The following BMAL1 variants were observed in gnomAD, a reference collection of about 807,000 sequenced individuals.
BMAL1 encodes basic helix-loop-helix ARNT-like protein 1.
chr11:13,308,598 C>T, the BMAL1 span, among the ~76,000 whole-genome samples: 10 of 152,100 alleles, frequency 6.6e-5, no homozygotes, highest in Non-Finnish European at 1.2e-4. Flanking sequence ...GTCAAAGCTG[C>T]AAGGTAAGGA....
chr11:13,376,856 T>TCCGCACATCATCCCCTC, the BMAL1 span: 1 of 804,442 alleles, frequency 1.2e-6, no homozygotes, highest in Non-Finnish European at 1.9e-6. Context: ...CTCGAGGGGA[T>TCCGCACATCATCCCCTC]GATGTGCGGA....
chr11:13,295,414 C>T, the BMAL1 span, among the ~76,000 whole-genome samples: 2 of 152,108 alleles, frequency 1.3e-5, no homozygotes, highest in Non-Finnish European at 2.9e-5. Flanking sequence ...GAGGAGGTTA[C>T]AGGTGCCTGT....
chr11:13,357,961 CAGTG>C, the BMAL1 span, among the ~76,000 whole-genome samples: 2 of 152,230 alleles, frequency 1.3e-5, no homozygotes, highest in Non-Finnish European at 2.9e-5. The surrounding 1 kb of genome is among the most constrained non-coding windows in gnomAD (Gnocchi z 4.8). Flanking sequence ...GTGCCCTAGT[CAGTG>C]AGGCTGTGAC....
At chr11:13,303,517 A>G in the BMAL1 span, among the ~76,000 whole-genome samples, 1 of 152,238 alleles carries the variant, frequency 6.6e-6, no homozygotes, top group Non-Finnish European at 1.5e-5. Flanking sequence ...TTAACAAACA[A>G]ACCCCCAAAT....
chr11:13,380,417 ACT>A, the BMAL1 span: 1 of 151,912 alleles, frequency 6.6e-6, no homozygotes, highest in Non-Finnish European at 1.5e-5. Context: ...CTGCCATCAC[ACT>A]CTCCCTAAAC....
the BMAL1 span, among the ~76,000 whole-genome samples, chr11:13,285,369 G>T: frequency 2.6e-5 from 4 of 152,206 alleles, no homozygotes; most frequent in African/African-American, 9.7e-5. Context: ...ACAAAACAAG[G>T]GGCCCGCAGG....
the BMAL1 span, chr11:13,354,688 C>A: frequency 4.1e-6 from 2 of 484,294 alleles, no homozygotes; most frequent in African/African-American, 2.0e-5. Flanking sequence ...TGTTCTACAC[C>A]CAGAGAAAAA....
chr11:13,296,156 C>G, the BMAL1 span, among the ~76,000 whole-genome samples: 1 of 152,180 alleles, frequency 6.6e-6, no homozygotes, highest in Non-Finnish European at 1.5e-5. Context: ...GGCCGTTTGT[C>G]CTGCTCTTTT....
At chr11:13,357,370 A>G in the BMAL1 span, among the ~76,000 whole-genome samples, 1 of 152,270 alleles carries the variant, frequency 6.6e-6, no homozygotes, top group Non-Finnish European at 1.5e-5. This position sits in a 1 kb window ranked among gnomAD's most constrained non-coding sequence, Gnocchi z 4.8. Context: ...GTTTTTCCCC[A>G]GTCTTCAGCA....
At chr11:13,356,623 G>C in the BMAL1 span, 1 of 1,233,928 alleles carries the variant, frequency 8.1e-7, no homozygotes, top group Non-Finnish European at 1.1e-6. Context: ...TACTGTGGCT[G>C]TTCGAACTTT....
At chr11:13,341,681 A>G in the BMAL1 span, among the ~76,000 whole-genome samples, 2 of 152,228 alleles carry the variant, frequency 1.3e-5, no homozygotes, top group Admixed American at 6.5e-5. Flanking sequence ...TCAGGCAGTA[A>G]GTTTTTTGGT....
the BMAL1 span, among the ~76,000 whole-genome samples, chr11:13,279,579 C>T: frequency 1.3e-5 from 2 of 152,160 alleles, no homozygotes; most frequent in African/African-American, 4.8e-5. Context: ...GCTTGCAAGA[C>T]TTAAAAAAAT....
the BMAL1 span, among the ~76,000 whole-genome samples, chr11:13,344,532 C>G: frequency 2.0e-5 from 3 of 152,234 alleles, no homozygotes; most frequent in African/African-American, 7.2e-5. Context: ...CTGTCTTCGT[C>G]CCCATTGTGG....
the BMAL1 span, among the ~76,000 whole-genome samples, chr11:13,293,141 C>T: frequency 6.6e-6 from 1 of 152,110 alleles, no homozygotes; most frequent in African/African-American, 2.4e-5. Flanking sequence ...ACACAGAAAC[C>T]AGGGCATGTG....
At chr11:13,317,206 G>T in the BMAL1 span, among the ~76,000 whole-genome samples, 2 of 152,140 alleles carry the variant, frequency 1.3e-5, no homozygotes, top group Non-Finnish European at 2.9e-5. Flanking sequence ...TAAAATGCAG[G>T]CTGTGATGAA....
chr11:13,330,326 C>T, the BMAL1 span, among the ~76,000 whole-genome samples: 1,003 of 152,274 alleles, frequency 6.6e-3, 7 homozygotes, highest in African/African-American at 0.023. Context: ...TAGGGCAGGG[C>T]TTCTCTTATT....
the BMAL1 span, chr11:13,374,269 C>G: frequency 7.1e-7 from 1 of 1,414,854 alleles, no homozygotes; most frequent in Non-Finnish European, 9.9e-7. Flanking sequence ...GTCAACATGA[C>G]CTTCCAGGGA....
the BMAL1 span, chr11:13,356,290 C>A: frequency 4.4e-6 from 2 of 458,872 alleles, no homozygotes; most frequent in Non-Finnish European, 4.4e-6. Flanking sequence ...TTCGTCCCTT[C>A]CCTGCCAAAT....
chr11:13,345,202 A>G, the BMAL1 span, among the ~76,000 whole-genome samples: 1 of 152,214 alleles, frequency 6.6e-6, no homozygotes, highest in Non-Finnish European at 1.5e-5. Flanking sequence ...GGCCAGAAGG[A>G]GAGGCAGGCC....
Sources: gnomAD v4.1 joint callset for allele counts (sites outside exome capture counted in the v4.1 genomes callset) on GRCh38, gnomAD v4.1.1 for gene constraint, Gnocchi (gnomAD v3.1) non-coding constraint, MANE v1.5 for transcripts, NCBI Gene and HGNC (gene_info 2026-07-23, HGNC 2026-07-21) for gene names.